The following PRAME variants were observed in gnomAD, a reference collection of about 807,000 sequenced individuals.
PRAME encodes PRAME nuclear receptor transcriptional regulator.
PRAME carries 21 observed loss-of-function variants against 32.1 expected under a neutral mutation model. The ratio of observed to expected loss-of-function variants is 0.65; its 90% CI spans 0.46 to 0.94. The LOEUF (loss-of-function observed/expected upper bound fraction) is 0.94. Among genes scored for constraint, PRAME ranks in the 40% least tolerant of loss-of-function variants. The pLI, the probability that PRAME is intolerant of heterozygous loss-of-function variation, is 0.00. For synonymous variants in PRAME, 274 were observed against 251.5 expected (o/e 1.09, Z -0.85); for missense variants, 651 against 622.3 (o/e 1.05, Z -0.49).
At chr22:22,549,080 TA>T (rs2062410296) in intron 5 of PRAME, among the ~76,000 whole-genome samples, 1 of 151,968 alleles carries the variant, frequency 6.6e-6, no homozygotes, top group South Asian at 2.1e-4. Context: ...ATGAAGCTAC[TA>T]GGGAGTATTC....
chr22:22,558,545 T>C (rs1490608323), intron 1 of PRAME, among the ~76,000 whole-genome samples: 2 of 52,380 alleles, frequency 3.8e-5, no homozygotes, highest in African/African-American at 1.6e-4. Context: ...GGGGTGGGGA[T>C]GTGGAAAGAA....
At position 22,549,762 on chromosome 22, in the gene PRAME, A is replaced by C. The variant is rs2062458321; in HGVS notation, c.917T>G (p.Leu306Ter). Reference sequence around the variant, plus strand: ...ATCCAGGCGGCCTCTAAGGAAAAATAAAGAGTCCACATAGAGAGCCTGCAG... The same window carrying C: ...ATCCAGGCGGCCTCTAAGGAAAAATCAAGAGTCCACATAGAGAGCCTGCAG... The part of the protein sequence containing the change: ...QCLQALYVDS[L>*]FFLRGRLDQL... The change falls in exon 5 of 6, where the codon TTA (leucine) becomes TGA (stop). Residue 306 changes from leucine (L) to a stop codon, truncating the protein, a stop_gained. Transcript: ENST00000405655. LOFTEE classifies it low-confidence loss of function (END_TRUNC). The C allele has an allele frequency of 6.2e-7, 1 of 1,609,288 alleles. No homozygotes were observed. The highest frequency in any genetic ancestry group is 8.5e-7 in the Non-Finnish European group (1 of 1,178,702).
In PRAME at chr22:22,550,937, C is replaced by T; in HGVS notation, c.174G>A (p.Met58Ile). The T allele has an allele frequency of 1.2e-6, 2 of 1,613,864 alleles. No individual in the cohort carries two copies. The highest frequency in any genetic ancestry group is 1.7e-6 in the Non-Finnish European group (2 of 1,179,974). Residue 58 changes from methionine to isoleucine, a missense_variant, in exon 4 of 6, where the codon ATG becomes ATA. Coordinates refer to ENST00000405655, the MANE Select transcript of PRAME (RefSeq NM_206956.3). The part of the protein sequence containing the change: ...LPRELFPPLF[M>I]AAFDGRHSQT... ...GGCTGTGTCTCCCGTCAAAGGCTGC[C>T]ATGAAGAGTGGCGGGAAGAGCTCCC... is the stretch of plus-strand genomic sequence containing the variant.
At chr22:22,556,065 C>T in intron 3 of PRAME, 1 of 337,118 alleles carries the variant, frequency 3.0e-6, no homozygotes, top group Non-Finnish European at 6.2e-6. Context: ...ACCATCTTGG[C>T]TCACTGCAAC....
intron 1 of PRAME, 45 bp from the exon 2 acceptor site, chr22:22,557,625 C>T (rs1254852066): frequency 5.0e-5 from 6 of 120,170 alleles, no homozygotes; most frequent in East Asian, 3.1e-4. Context: ...GCGCCCTAGC[C>T]GCTGCGTGGG....
chr22:22,547,822 C>G lies in PRAME; in HGVS notation c.*245G>C. 5.5e-6 allele frequency: 3 copies of G among 542,690 alleles called. No homozygotes were observed. Among genetic ancestry groups the G allele is most frequent in the Non-Finnish European group, 9.7e-6 (3 of 309,386 alleles). The allele number at this position is 542,690 out of a possible 1,614,324, so 33.6% of individuals were successfully genotyped here. A position where few individuals can be genotyped will look rare whatever the true frequency, so the allele number is the denominator to read the frequency against. ...TTAGAAATTCAGATTCTATTTCTAA[C>G]TCTATAAGATGTATCTCCCCAAAGA... On this transcript the variant is annotated 3_prime_UTR_variant, in exon 6 of 6. Transcript: ENST00000405655.
intron 3 of PRAME, among the ~76,000 whole-genome samples, chr22:22,552,330 G>A (rs1411610896): frequency 1.4e-5 from 2 of 147,142 alleles, no homozygotes; most frequent in Non-Finnish European, 3.0e-5. Context: ...CATAAATGAT[G>A]CAAATTATAA....
intron 3 of PRAME, chr22:22,555,805 T>A (rs1424826169): frequency 1.1e-5 from 5 of 458,024 alleles, no homozygotes; most frequent in African/African-American, 1.0e-4. Context: ...CAGTGCAATC[T>A]TGTTGCTCAC....
chr22:22,552,858 CACA>C (rs2062676929), intron 3 of PRAME: 2 of 470,768 alleles, frequency 4.2e-6, no homozygotes, highest in Non-Finnish European at 8.8e-6. Context: ...CTGGGAAGAC[CACA>C]ACATTGACTC....
Position 22,550,059 on chromosome 22 carries a change from C to T in PRAME, c.620G>A (p.Arg207His), listed in dbSNP as rs116965324. ...AATCTTCAGCTTCTTACAGCACAGG[C>T]GTAGTACATTTTTCTTTCGCTTCAC... ...EKVKRKKNVLRLCCKKLKIFA... is the reference protein window; with the variant it reads ...EKVKRKKNVLHLCCKKLKIFA... The change falls in exon 5 of 6, where the codon CGC becomes CAC. Residue 207 changes from arginine to histidine, a missense_variant. Physicochemically the swap from Arg to His is conservative, Grantham distance 29. Coordinates refer to ENST00000405655, the MANE Select transcript of PRAME (RefSeq NM_206956.3). 1.9e-5 allele frequency: 30 copies of T among 1,613,876 alleles called. No individual in the cohort carries two copies. The highest frequency in any genetic ancestry group is 3.3e-5 in the South Asian group (3 of 91,068).
intron 3 of PRAME, among the ~76,000 whole-genome samples, chr22:22,555,610 C>A (rs371531239): frequency 1.3e-5 from 2 of 151,974 alleles, no homozygotes; most frequent in East Asian, 4.0e-4. Flanking sequence ...CTCAAGTGAT[C>A]CACCCATTTC....
At chr22:22,554,817 A>G (rs1355057460) in intron 3 of PRAME, among the ~76,000 whole-genome samples, 1 of 151,960 alleles carries the variant, frequency 6.6e-6, no homozygotes, top group Non-Finnish European at 1.5e-5. Flanking sequence ...AAAAACAGGA[A>G]AACTGAGTAA....
At position 22,550,345 on chromosome 22, in the gene PRAME, A is replaced by G. The variant is rs938253097; in HGVS notation, c.345-11T>C. On this transcript the variant is annotated splice_polypyrimidine_tract_variant and intron_variant, in intron 4 of 5. Transcript: ENST00000405655. Reference sequence around the variant, plus strand: ...TGAAGTTTCCACCTCCTGTGGGGAAAAACAGGTAATTAGCTGAGATGATGC... The same window carrying G: ...TGAAGTTTCCACCTCCTGTGGGGAAGAACAGGTAATTAGCTGAGATGATGC... The G allele has an allele frequency of 1.9e-6, 3 of 1,609,462 alleles. No individual in the cohort carries two copies. The highest frequency in any genetic ancestry group is 1.1e-5 in the South Asian group (1 of 90,306).
At chr22:22,556,748 T>C (rs527681899) in intron 3 of PRAME, 64 bp downstream of exon 3, 4 of 1,595,726 alleles carry the variant, frequency 2.5e-6, no homozygotes, top group Admixed American at 1.7e-5. Flanking sequence ...CTGGCTCGAG[T>C]GACAAGGACA....
chr22:22,551,634 TA>T (rs750514674), intron 3 of PRAME, among the ~76,000 whole-genome samples: 8 of 134,416 alleles, frequency 6.0e-5, no homozygotes, highest in South Asian at 2.4e-4. Context: ...GGAAGTACAA[TA>T]AAAAAAAAAC....
At position 22,550,793 on chromosome 22, in the gene PRAME, C is replaced by A. The variant is rs775460046; in HGVS notation, c.318G>T (p.Val106=). 5 of 1,595,634 alleles carry A rather than the reference C, an allele frequency of 3.1e-6. No individual in the cohort carries two copies. The highest frequency in any genetic ancestry group is 4.3e-6 in the Non-Finnish European group (5 of 1,167,592). Residue 106 remains valine (V), a synonymous_variant, in exon 4 of 6, where the codon GTG becomes GTT. Coordinates refer to ENST00000405655, the MANE Select transcript of PRAME (RefSeq NM_206956.3). ...TGGGGCGAACCTCCTGGGCAAGGAG[C>A]ACATCAAGTCCATCAAGCACAGCTT... ...TFKAVLDGLD[V]LLAQEVRPRR...
chr22:22,547,852 A>G lies in PRAME; in HGVS notation c.*215T>C, dbSNP rs2062337004. ...TAAGATGTATCTCCCCAAAGATCAC[A>G]TTAACTCCTCAAGTCAACATCTGCC... On this transcript the variant is annotated 3_prime_UTR_variant, in exon 6 of 6. Coordinates refer to ENST00000405655, the MANE Select transcript of PRAME (RefSeq NM_206956.3). The G allele has an allele frequency of 1.7e-6, 1 of 593,196 alleles. No individual in the cohort carries two copies. The highest frequency in any genetic ancestry group is 1.9e-5 in the African/African-American group (1 of 53,736). 36.7% of individuals were successfully genotyped at this position (593,196 alleles called of 1,614,324 possible).
At position 22,550,842 on chromosome 22, in the gene PRAME, T is replaced by C. The variant is rs779148263; in HGVS notation, c.269A>G (p.Gln90Arg). The change falls in exon 4 of 6, where the codon CAA becomes CGA. Residue 90 changes from glutamine to arginine, a missense_variant. Physicochemically the swap from Gln to Arg is conservative, Grantham distance 43. Transcript: ENST00000405655. ...TTTGAAGGTCTCCAGGTGAAGATGT[T>C]GTCCCTTCATCAGCACTCCCAGAGG... ...CLPLGVLMKG[Q>R]HLHLETFKAV... is the part of the protein sequence containing the mutation. 5 of 1,613,256 alleles carry C rather than the reference T, an allele frequency of 3.1e-6. No homozygotes were observed. Among genetic ancestry groups the C allele is most frequent in the African/African-American group, 1.3e-5 (1 of 74,978 alleles).
chr22:22,556,912 G>T lies in PRAME; in HGVS notation c.-77-3C>A. 6.5e-7 allele frequency: 1 copy of T among 1,528,640 alleles called. No homozygotes were observed. The allele number at this position is 1,528,640 out of a possible 1,614,324, so 94.7% of individuals were successfully genotyped here. On this transcript the variant is annotated splice_region_variant and splice_polypyrimidine_tract_variant and intron_variant, in intron 2 of 5. Transcript: ENST00000405655. ...CAGTCACTTGTTGCCACGCACGTCT[G>T]AGAGTAATAATCAAAATGCTCCAAA...
Sources: allele counts gnomAD v4.1 joint callset (sites outside exome capture counted in the v4.1 genomes callset), GRCh38; gene constraint gnomAD v4.1.1; transcripts MANE v1.5; gene names NCBI Gene and HGNC (gene_info 2026-07-23, HGNC 2026-07-21).